The following PAK5 variants were observed in gnomAD, a reference collection of about 807,000 sequenced individuals.
The protein encoded by PAK5 is serine/threonine-protein kinase PAK 5.
Under a neutral mutation model 65.9 loss-of-function variants are expected in PAK5, and 16 were observed. The observed-to-expected ratio is 0.24, with a 90% CI of 0.16 to 0.37. PAK5 has a LOEUF of 0.37. Among genes scored for constraint, PAK5 ranks in the 10% least tolerant of loss-of-function variants. PAK5 has a pLI of 1.00. For synonymous variants in PAK5, 371 were observed against 354.9 expected (o/e 1.05, Z -0.51); for missense variants, 785 against 903.9 (o/e 0.87, Z 1.69).
intron 1 of PAK5, among the ~76,000 whole-genome samples, chr20:9,779,164 A>ATT (rs2048916171): frequency 6.6e-6 from 1 of 152,054 alleles, no homozygotes; most frequent in African/African-American, 2.4e-5. Context: ...ATTTATCAAT[A>ATT]TAACTGTTTA....
At chr20:9,646,527 C>T (rs1286716478) in intron 2 of PAK5, among the ~76,000 whole-genome samples, 1 of 152,170 alleles carries the variant, frequency 6.6e-6, no homozygotes, top group Admixed American at 6.5e-5. Flanking sequence ...AGTCAGCTGA[C>T]CTTAAACGCT....
intron 3 of PAK5, among the ~76,000 whole-genome samples, chr20:9,606,109 G>A (rs549137560): frequency 6.6e-6 from 1 of 152,322 alleles, no homozygotes; most frequent in East Asian, 1.9e-4. Flanking sequence ...GGTGGGAGGT[G>A]ACTGGATCAT....
intron 3 of PAK5, among the ~76,000 whole-genome samples, chr20:9,589,834 T>G (rs2046135205): frequency 6.6e-6 from 1 of 151,868 alleles, no homozygotes; most frequent in African/African-American, 2.4e-5. Context: ...CCATGACCAG[T>G]TAGTTTTGTA....
chr20:9,612,856 C>T (rs2046588857), intron 3 of PAK5, among the ~76,000 whole-genome samples: 1 of 152,142 alleles, frequency 6.6e-6, no homozygotes, highest in Admixed American at 6.5e-5. Flanking sequence ...TTCCTCATGA[C>T]ATTTATCACC....
intron 2 of PAK5, among the ~76,000 whole-genome samples, chr20:9,687,793 T>A (rs2047739098): frequency 6.6e-6 from 1 of 152,104 alleles, no homozygotes; most frequent in African/African-American, 2.4e-5. Context: ...TTTGTCCCCA[T>A]GAGCACTCAG....
chr20:9,580,069 G>A (rs1184713908), intron 4 of PAK5, 76 bp downstream of exon 4: 11 of 1,244,422 alleles, frequency 8.8e-6, no homozygotes, highest in East Asian at 2.3e-5. Context: ...CAATCCAATC[G>A]TATAAAAAGG....
At chr20:9,552,081 GCA>G (rs1166301187) in intron 7 of PAK5, among the ~76,000 whole-genome samples, 2 of 152,128 alleles carry the variant, frequency 1.3e-5, no homozygotes, top group African/African-American at 4.8e-5. Context: ...GTGAATCCAG[GCA>G]CAGTGTTGCC....
intron 7 of PAK5, among the ~76,000 whole-genome samples, chr20:9,553,576 A>G (rs200374819): frequency 1.3e-5 from 2 of 152,094 alleles, no homozygotes; most frequent in African/African-American, 4.8e-5. Flanking sequence ...GTGTGTGTAT[A>G]TATATAAATA....
At chr20:9,669,620 C>A (rs1228751109) in intron 2 of PAK5, among the ~76,000 whole-genome samples, 1 of 152,094 alleles carries the variant, frequency 6.6e-6, no homozygotes, top group Non-Finnish European at 1.5e-5. Flanking sequence ...AAGCTGAGAG[C>A]ATCTCTGCCT....
chr20:9,695,233 T>C (rs191327470), intron 2 of PAK5, among the ~76,000 whole-genome samples: 1 of 152,218 alleles, frequency 6.6e-6, no homozygotes, highest in Admixed American at 6.6e-5. Context: ...TCTCTTCCTT[T>C]TTCTTACTCA....
chr20:9,573,100 T>C (rs2045820343), intron 4 of PAK5, among the ~76,000 whole-genome samples: 1 of 148,470 alleles, frequency 6.7e-6, no homozygotes, highest in Non-Finnish European at 1.5e-5. Context: ...GATTTCCTCT[T>C]TTTTTTTTTT....
At chr20:9,802,756 T>A (rs1351947010) in intron 1 of PAK5, among the ~76,000 whole-genome samples, 1 of 151,292 alleles carries the variant, frequency 6.6e-6, no homozygotes, top group Non-Finnish European at 1.5e-5. Context: ...GCATCCCCCA[T>A]TTTTAGGAGT....
chr20:9,618,053 AG>A (rs1370616174), intron 3 of PAK5, among the ~76,000 whole-genome samples: 1 of 152,186 alleles, frequency 6.6e-6, no homozygotes, highest in Non-Finnish European at 1.5e-5. Flanking sequence ...CATTCAGTGG[AG>A]GTAATATTAG....
rs1410446894 is a variant in PAK5, at chr20:9,585,067, T to TA, written c.205-4138dup. On this transcript the variant is annotated intron_variant, in intron 3 of 9. Coordinates refer to ENST00000353224, the MANE Select transcript of PAK5 (RefSeq NM_177990.4). ...TTATCCAGACTTTCTCTGAACTTGA[T>TA]AAACAATGCTTAACTATATTAGATT... Among the ~76,000 whole-genome samples the TA allele has an allele frequency of 3.9e-5, 6 of 152,340 alleles. No homozygotes were observed. In the East Asian group the frequency reaches 1.2e-3, roughly 29 times the overall value.
chr20:9,691,044 G>C (rs933360380), intron 2 of PAK5, among the ~76,000 whole-genome samples: 24 of 151,934 alleles, frequency 1.6e-4, no homozygotes, highest in Non-Finnish European at 2.9e-4. Flanking sequence ...TGTGAGCCAT[G>C]GTACCCAGCC....
chr20:9,679,588 G>A (rs2047622460), intron 2 of PAK5, among the ~76,000 whole-genome samples: 1 of 152,090 alleles, frequency 6.6e-6, no homozygotes, highest in Non-Finnish European at 1.5e-5. Context: ...TGCTTAAGAG[G>A]TCAAGGTGAG....
intron 5 of PAK5, 80 bp downstream of exon 5, chr20:9,565,813 A>C: frequency 7.2e-7 from 1 of 1,381,478 alleles, no homozygotes; most frequent in Non-Finnish European, 1.0e-6. Context: ...TAATGTCCTA[A>C]AATGTACATG....
intron 2 of PAK5, among the ~76,000 whole-genome samples, chr20:9,703,125 G>T (rs1817175718): frequency 1.3e-5 from 2 of 152,156 alleles, no homozygotes; most frequent in Admixed American, 6.5e-5. Flanking sequence ...GACTGTCAAA[G>T]AACTTGTGGC....
chr20:9,559,409 T>G (rs2045559905), intron 6 of PAK5, among the ~76,000 whole-genome samples: 1 of 152,122 alleles, frequency 6.6e-6, no homozygotes, highest in South Asian at 2.1e-4. Flanking sequence ...AAAATCCTGA[T>G]GGGATTCAAA....
Sources: gnomAD v4.1 joint callset for allele counts (sites outside exome capture counted in the v4.1 genomes callset) on GRCh38, gnomAD v4.1.1 for gene constraint, MANE v1.5 for transcripts, NCBI Gene and HGNC (gene_info 2026-07-23, HGNC 2026-07-21) for gene names.